ABHD2: variants seen among roughly 807,000 people sequenced by gnomAD.
ABHD2 encodes abhydrolase domain containing 2, acylglycerol lipase.
Under a neutral mutation model 48.1 loss-of-function variants are expected in ABHD2, and 20 were observed. That is an observed-to-expected ratio of 0.42 (90% CI 0.29 to 0.60). The LOEUF is 0.60. ABHD2 is among the 20% of genes least tolerant of loss of function. The pLI is 0.24. For missense variants in ABHD2, 405 were observed against 550.9 expected (o/e 0.74, Z 2.65); for synonymous variants, 209 against 214.2 (o/e 0.98, Z 0.21).
At chr15:89,129,167 A>G (rs1179415936) in intron 3 of ABHD2, among the ~76,000 whole-genome samples, 2 of 152,028 alleles carry the variant, frequency 1.3e-5, no homozygotes, top group African/African-American at 4.8e-5. Context: ...TCAAGACCAG[A>G]TGTGTAGATT....
chr15:89,048,038 G>C, the ABHD2 span, among the ~76,000 whole-genome samples: 1 of 151,666 alleles, frequency 6.6e-6, no homozygotes. Context: ...AGCTGGTACC[G>C]GTTGTTCCTT....
chr15:89,050,490 G>A, the ABHD2 span, among the ~76,000 whole-genome samples: 8 of 152,212 alleles, frequency 5.3e-5, no homozygotes, highest in Non-Finnish European at 1.0e-4. Context: ...TAGCAGACTA[G>A]CTGATTTGTA....
the ABHD2 span, among the ~76,000 whole-genome samples, chr15:89,057,728 C>A: frequency 6.6e-6 from 1 of 151,710 alleles, no homozygotes; most frequent in African/African-American, 2.4e-5. Flanking sequence ...TCTATTGCCA[C>A]CATGCGGCTT....
chr15:89,085,198 A>G (rs1352186326), upstream of ABHD2, among the ~76,000 whole-genome samples: 1 of 152,054 alleles, frequency 6.6e-6, no homozygotes, highest in Non-Finnish European at 1.5e-5. The surrounding 1 kb of genome is among the most constrained non-coding windows in gnomAD (Gnocchi z 4.2). Context: ...GCCATCCCAG[A>G]AGGTGACTGG....
At chr15:89,043,623 G>GGAAGGAGGAGGAGGAGGAGGAAGGA in the ABHD2 span, among the ~76,000 whole-genome samples, 1 of 134,626 alleles carries the variant, frequency 7.4e-6, no homozygotes, top group Admixed American at 7.4e-5. Context: ...ACGAGGAGGC[G>GGAAGGAGGAGGAGGAGGAGGAAGGA]GAAGGAGGAG....
intron 3 of ABHD2, chr15:89,135,899 C>A: frequency 1.6e-6 from 1 of 619,592 alleles, no homozygotes. Context: ...CCGAAGGAGG[C>A]CTCTTGGGTG....
At position 89,146,182 on chromosome 15, in the gene ABHD2, A is replaced by C. The variant is rs1159680165; in HGVS notation, c.195-5495A>C. ...ATAACAGTGAAGTCTGAGTTTAATCACTAGCTATAAAATAGTTTGATTTAC... is the reference window on the plus strand; with the variant it reads ...ATAACAGTGAAGTCTGAGTTTAATCCCTAGCTATAAAATAGTTTGATTTAC... On this transcript the variant is annotated intron_variant, in intron 3 of 10. Coordinates refer to ENST00000352732, the MANE Select transcript of ABHD2 (RefSeq NM_152924.5). The surrounding 1 kb of genome is among the most constrained non-coding windows in gnomAD (Gnocchi z 4.2). 1.3e-5 allele frequency among the ~76,000 whole-genome samples: 2 copies of C among 152,312 alleles called. No homozygotes were observed. Among genetic ancestry groups the C allele is most frequent in the South Asian group, 4.1e-4 (2 of 4,832 alleles).
rs1395638005 is a variant in ABHD2, at chr15:89,188,496, G to A, written c.926+193G>A. ...AACATTTAAATTTCTAGTTTCTCCTGGAAAATAGGAAAAGGATCCGACCAC... is the reference window on the plus strand; with the variant it reads ...AACATTTAAATTTCTAGTTTCTCCTAGAAAATAGGAAAAGGATCCGACCAC... On this transcript the variant is annotated intron_variant, in intron 8 of 10. Coordinates refer to ENST00000352732, the MANE Select transcript of ABHD2 (RefSeq NM_152924.5). The surrounding 1 kb of genome is among the most constrained non-coding windows in gnomAD (Gnocchi z 4.1). Among the ~76,000 whole-genome samples, 1 of 152,192 alleles carries A rather than the reference G, an allele frequency of 6.6e-6. No individual in the cohort carries two copies. The highest frequency in any genetic ancestry group is 1.5e-5 in the Non-Finnish European group (1 of 68,038).
At chr15:89,125,776 A>G (rs1808868927) in intron 3 of ABHD2, among the ~76,000 whole-genome samples, 1 of 152,212 alleles carries the variant, frequency 6.6e-6, no homozygotes, top group South Asian at 2.1e-4. Context: ...CAGCCACATC[A>G]GGAAGAAAAG....
rs1233583267 is a variant in ABHD2 at position 89,116,012 on chromosome 15, T to G, written c.-6-310T>G. ...ACTGATCTTATTTTTCCCCCTCCGA[T>G]AAAGGACACTATTCTTAGCATTTTT... On this transcript the variant is annotated intron_variant, in intron 2 of 10. Coordinates refer to ENST00000352732, the MANE Select transcript of ABHD2 (RefSeq NM_152924.5). The surrounding 1 kb of genome is among the most constrained non-coding windows in gnomAD (Gnocchi z 4.6). Among the ~76,000 whole-genome samples, 1 of 152,230 alleles carries G rather than the reference T, an allele frequency of 6.6e-6. No individual in the cohort carries two copies. Among genetic ancestry groups the G allele is most frequent in the Admixed American group, 6.5e-5 (1 of 15,292 alleles).
Position 89,174,702 on chromosome 15 carries a change from A to G in ABHD2, c.539-1110A>G, listed in dbSNP as rs1021600654. On this transcript the variant is annotated intron_variant, in intron 5 of 10. Coordinates refer to ENST00000352732, the MANE Select transcript of ABHD2 (RefSeq NM_152924.5). The surrounding 1 kb of genome is among the most constrained non-coding windows in gnomAD (Gnocchi z 4.1). The stretch of plus-strand genomic sequence containing the variant: ...CTCTTCTCATGCCAGTCTATTTTGT[A>G]TGTGCTTTGCGTCGACATCCCTATC... Among the ~76,000 whole-genome samples the G allele has an allele frequency of 1.3e-5, 2 of 152,176 alleles. No individual in the cohort carries two copies. The highest frequency in any genetic ancestry group is 2.4e-5 in the African/African-American group (1 of 41,450).
At position 89,188,412 on chromosome 15, in the gene ABHD2, A is replaced by G. The variant is rs758497143; in HGVS notation, c.926+109A>G. The stretch of plus-strand genomic sequence containing the variant: ...GTTTGCTCTGCCTACTTGAGTGTTA[A>G]GGGTGTTTTTTTCCCTTTAAGTAAG... On this transcript the variant is annotated intron_variant, in intron 8 of 10. Transcript: ENST00000352732. This position sits in a 1 kb window ranked among gnomAD's most constrained non-coding sequence, Gnocchi z 4.1. The G allele has an allele frequency of 1.1e-6, 1 of 906,072 alleles. No homozygotes were observed. The highest frequency in any genetic ancestry group is 1.7e-6 in the Non-Finnish European group (1 of 592,840). 56.1% of individuals were successfully genotyped at this position (906,072 alleles called of 1,614,324 possible). A position where few individuals can be genotyped will look rare whatever the true frequency, so the allele number is the denominator to read the frequency against.
intron 3 of ABHD2, among the ~76,000 whole-genome samples, chr15:89,123,380 GT>G (rs2050081696): frequency 6.6e-6 from 1 of 152,116 alleles, no homozygotes; most frequent in Non-Finnish European, 1.5e-5. Context: ...CAAACCTTTA[GT>G]TTCCTGCCAA....
At chr15:89,071,514 C>T in the ABHD2 span, among the ~76,000 whole-genome samples, 1 of 152,244 alleles carries the variant, frequency 6.6e-6, no homozygotes. Context: ...AACGCAACCA[C>T]TTGCAAACAG....
rs1021533285 is a variant in ABHD2, at chr15:89,201,193, C to T, written c.*5770C>T. 10 of 1,475,452 alleles carry T rather than the reference C, an allele frequency of 6.8e-6. No homozygotes were observed. In the East Asian group the frequency reaches 6.8e-5, roughly 10 times the overall value. 91.4% of individuals were successfully genotyped at this position (1,475,452 alleles called of 1,614,324 possible). On this transcript the variant is annotated 3_prime_UTR_variant, in exon 11 of 11. Coordinates refer to ENST00000352732, the MANE Select transcript of ABHD2 (RefSeq NM_152924.5). ...CAGTTGAGGTTGATCCAGGTTTATC[C>T]GAATATGCTACCTTTCTGAGCCTTA...
the ABHD2 span, among the ~76,000 whole-genome samples, chr15:89,077,812 GTC>G: frequency 2.0e-5 from 3 of 152,018 alleles, no homozygotes; most frequent in Non-Finnish European, 4.4e-5. Context: ...AGTTAACCTG[GTC>G]TGCTTTTCTT....
rs180736871 is a variant in ABHD2 at position 89,148,815 on chromosome 15, A to G, written c.195-2862A>G. ...ATTTTCGAACTACCACATAGATAGAAAAAGCATATTCCTTCGTGTACCATT... is the reference window on the plus strand; with the variant it reads ...ATTTTCGAACTACCACATAGATAGAGAAAGCATATTCCTTCGTGTACCATT... On this transcript the variant is annotated intron_variant, in intron 3 of 10. Transcript: ENST00000352732. 5.3e-3 allele frequency among the ~76,000 whole-genome samples: 804 copies of G among 152,380 alleles called. 5 individuals carry two copies. The highest frequency in any genetic ancestry group is 0.019 in the African/African-American group (771 of 41,594).
Position 89,201,329 on chromosome 15 carries a change from C to A in ABHD2, c.*5906C>A. ...TGTTTCAGTATCATGAAGTGAAGCA[C>A]TGTGTGGTTGTGGCGTGGGCCCGTC... On this transcript the variant is annotated 3_prime_UTR_variant, in exon 11 of 11. Coordinates refer to ENST00000352732, the MANE Select transcript of ABHD2 (RefSeq NM_152924.5). 1 of 1,054,936 alleles carries A rather than the reference C, an allele frequency of 9.5e-7. No homozygotes were observed. Among genetic ancestry groups the A allele is most frequent in the Non-Finnish European group, 1.5e-6 (1 of 685,420 alleles). 65.3% of individuals were successfully genotyped at this position (1,054,936 alleles called of 1,614,324 possible).
chr15:89,201,402 T>G lies in ABHD2; in HGVS notation c.*5979T>G, dbSNP rs1163334319. 2.4e-6 allele frequency: 3 copies of G among 1,231,936 alleles called. No individual in the cohort carries two copies. In the Admixed American group the frequency reaches 5.6e-5, roughly 23 times the overall value. The allele number at this position is 1,231,936 out of a possible 1,614,324, so 76.3% of individuals were successfully genotyped here. ...ACAGCTTTGCTGGGTTCCATGTCATTCAATTTATCATTTTCATTGGGGATC... is the reference window on the plus strand; with the variant it reads ...ACAGCTTTGCTGGGTTCCATGTCATGCAATTTATCATTTTCATTGGGGATC... On this transcript the variant is annotated 3_prime_UTR_variant, in exon 11 of 11. Transcript: ENST00000352732.
Sources: allele counts gnomAD v4.1 joint callset (sites outside exome capture counted in the v4.1 genomes callset), GRCh38; gene constraint gnomAD v4.1.1; non-coding constraint Gnocchi (gnomAD v3.1); transcripts MANE v1.5; gene names NCBI Gene and HGNC (gene_info 2026-07-23, HGNC 2026-07-21).